ADH4: variants seen among roughly 807,000 people sequenced by gnomAD.
ADH4 encodes the protein alcohol dehydrogenase 4 (class II), pi polypeptide, also known as all-trans-retinol dehydrogenase [NAD(+)] ADH4.
A neutral mutation model predicts 35.2 loss-of-function variants in ADH4; 31 were observed. The ratio of observed to expected loss-of-function variants is 0.88; its 90% CI spans 0.66 to 1.19. ADH4 has a LOEUF of 1.19. ADH4 is among the 50% of genes most tolerant of loss of function. The pLI, the probability that ADH4 is intolerant of heterozygous loss-of-function variation, is 0.00. For missense variants in ADH4, 476 were observed against 458.3 expected (o/e 1.04, Z -0.35); for synonymous variants, 171 against 160.2 (o/e 1.07, Z -0.51).
rs28987093 is a variant in ADH4, at chr4:99,134,264, A to G, written c.582+2202T>C. Among the ~76,000 whole-genome samples, 103 of 152,288 alleles carry G rather than the reference A, an allele frequency of 6.8e-4. 3 individuals carry two copies. In the East Asian group the frequency reaches 0.012, roughly 18 times the overall value. ...CGCTCTGGTGACTATAATTAATAAT[A>G]ATGTATTGTATATCTGAAAATTGCT... is the stretch of plus-strand genomic sequence containing the variant. On this transcript the variant is annotated intron_variant, in intron 5 of 8. Transcript: ENST00000265512.
In ADH4 at chr4:99,141,563, T is replaced by C. The variant is rs759594450; in HGVS notation, c.240A>G (p.Pro80=). The change falls in exon 3 of 9, where the codon CCA becomes CCG. Residue 80 remains proline (P), a synonymous_variant. Transcript: ENST00000265512. ...TACCTGGTTTGACGTTGGTCACTCC[T>C]GGCCCAATACTTTCCACAATACCTG... ...EAAGIVESIG[P]GVTNVKPGDK... is the part of the protein sequence containing the mutation. 6.8e-6 allele frequency: 11 copies of C among 1,613,994 alleles called. No homozygotes were observed. Among genetic ancestry groups the C allele is most frequent in the Non-Finnish European group, 9.3e-6 (11 of 1,179,954 alleles).
chr4:99,142,719 A>C lies in ADH4; in HGVS notation c.80T>G (p.Val27Gly), dbSNP rs751956608. The change falls in exon 2 of 9, where the codon GTT becomes GGT. Residue 27 changes from valine to glycine, a missense_variant. By Grantham distance (109) the Val-to-Gly change is moderately radical. Coordinates refer to ENST00000265512, the MANE Select transcript of ADH4 (RefSeq NM_000670.5). ...EAGKPLCIEEVEVAPPKAHEV... is the reference protein window; with the variant it reads ...EAGKPLCIEEGEVAPPKAHEV... ...ATGAGCCTTGGGGGGAGCTACTTCA[A>C]CCTCTTCAATGCAAAGGGGCTTGCC... 1 of 1,604,760 alleles carries C rather than the reference A, an allele frequency of 6.2e-7. No individual in the cohort carries two copies. The highest frequency in any genetic ancestry group is 8.5e-7 in the Non-Finnish European group (1 of 1,176,842).
At chr4:99,128,799 T>G (rs540078344) in intron 6 of ADH4, among the ~76,000 whole-genome samples, 1 of 86,590 alleles carries the variant, frequency 1.2e-5, no homozygotes, top group Non-Finnish European at 2.2e-5. Flanking sequence ...TATAAATATA[T>G]AATTGTATTA....
intron 1 of ADH4, chr4:99,143,195 G>A: frequency 1.4e-6 from 1 of 702,042 alleles, no homozygotes; most frequent in East Asian, 2.7e-5. Flanking sequence ...GAGAATAGAT[G>A]TGTTTTACAT....
At chr4:99,132,789 TAAAC>T (rs1560777578) in intron 5 of ADH4, among the ~76,000 whole-genome samples, 1 of 152,012 alleles carries the variant, frequency 6.6e-6, no homozygotes, top group Non-Finnish European at 1.5e-5. Flanking sequence ...GATTAAAACA[TAAAC>T]AAAAGGAAAA....
intron 8 of ADH4, among the ~76,000 whole-genome samples, chr4:99,125,214 A>G (rs1388584537): frequency 2.0e-5 from 3 of 152,046 alleles, no homozygotes; most frequent in Non-Finnish European, 2.9e-5. Context: ...TCCTGTGCCC[A>G]TATGGTGGAC....
At chr4:99,126,424 T>A (rs1729090718) in intron 8 of ADH4, among the ~76,000 whole-genome samples, 170 bp downstream of exon 8, 1 of 152,220 alleles carries the variant, frequency 6.6e-6, no homozygotes, top group Non-Finnish European at 1.5e-5. Flanking sequence ...ATTATTGAAA[T>A]GGAAGGTTTT....
chr4:99,132,272 T>C (rs1729304913), intron 5 of ADH4, among the ~76,000 whole-genome samples: 1 of 152,204 alleles, frequency 6.6e-6, no homozygotes, highest in South Asian at 2.1e-4. Flanking sequence ...TTCATCCCCA[T>C]GATATTCCCA....
intron 4 of ADH4, 112 bp from the exon 5 acceptor site, chr4:99,136,809 A>T (rs1401772403): frequency 5.6e-6 from 4 of 708,826 alleles, no homozygotes; most frequent in Non-Finnish European, 9.1e-6. Flanking sequence ...ATGACAATTT[A>T]CAAGACAGAA....
chr4:99,133,592 CA>C (rs1729351420), intron 5 of ADH4: 1 of 152,086 alleles, frequency 6.6e-6, no homozygotes, highest in Admixed American at 6.6e-5. Flanking sequence ...GGTGGCTTAG[CA>C]GCTAGAATCT....
chr4:99,136,885 T>TA (rs1243068056), intron 4 of ADH4, among the ~76,000 whole-genome samples, 188 bp from the exon 5 acceptor site: 1 of 152,020 alleles, frequency 6.6e-6, no homozygotes, highest in Non-Finnish European at 1.5e-5. Flanking sequence ...ATTTAAAAAA[T>TA]AACAGCAACA....
intron 5 of ADH4, among the ~76,000 whole-genome samples, chr4:99,135,514 A>G (rs1483623149): frequency 6.6e-6 from 1 of 152,158 alleles, no homozygotes; most frequent in East Asian, 1.9e-4. Flanking sequence ...AGAGGAAGTG[A>G]TAAGTGGAGT....
At chr4:99,134,609 T>G (rs558009071) in intron 5 of ADH4, among the ~76,000 whole-genome samples, 1 of 152,100 alleles carries the variant, frequency 6.6e-6, no homozygotes, top group Admixed American at 6.6e-5. Flanking sequence ...GAAAATAGGC[T>G]TTGACTGCCA....
intron 4 of ADH4, among the ~76,000 whole-genome samples, chr4:99,138,378 C>T (rs1729509960): frequency 1.3e-5 from 2 of 152,042 alleles, no homozygotes; most frequent in South Asian, 4.2e-4. Context: ...TAACTGCTTT[C>T]AATTAGTGTT....
chr4:99,128,954 T>C (rs889101411), intron 6 of ADH4, among the ~76,000 whole-genome samples: 4 of 151,992 alleles, frequency 2.6e-5, no homozygotes, highest in Non-Finnish European at 5.9e-5. Flanking sequence ...CGTGTGCCAC[T>C]ACACCTGACT....
chr4:99,135,849 T>C (rs1359497871), intron 5 of ADH4, among the ~76,000 whole-genome samples: 1 of 152,210 alleles, frequency 6.6e-6, no homozygotes, highest in Non-Finnish European at 1.5e-5. Flanking sequence ...AGATGTCCAA[T>C]TGTGAGATCC....
chr4:99,138,871 AAC>A (rs1729525111), intron 4 of ADH4, among the ~76,000 whole-genome samples, 188 bp downstream of exon 4: 1 of 152,218 alleles, frequency 6.6e-6, no homozygotes, highest in Non-Finnish European at 1.5e-5. Flanking sequence ...TACTCTAATA[AAC>A]AGTGTTACAA....
chr4:99,134,909 G>A (rs17218162), intron 5 of ADH4, among the ~76,000 whole-genome samples: 31,649 of 150,522 alleles, frequency 0.21, 3,988 homozygotes, highest in Non-Finnish European at 0.28. Flanking sequence ...AACCTGATAA[G>A]AAGGACTTTC....
chr4:99,138,529 G>C (rs970370863), intron 4 of ADH4, among the ~76,000 whole-genome samples: 9 of 152,128 alleles, frequency 5.9e-5, no homozygotes, highest in South Asian at 2.1e-4. Context: ...TTACTTTACT[G>C]TGCCTTATTG....
Sources: allele counts gnomAD v4.1 joint callset (sites outside exome capture counted in the v4.1 genomes callset), GRCh38; gene constraint gnomAD v4.1.1; transcripts MANE v1.5; gene names NCBI Gene and HGNC (gene_info 2026-07-23, HGNC 2026-07-21).